The following PRORP variants were observed in gnomAD, a reference collection of about 807,000 sequenced individuals.
PRORP encodes mitochondrial ribonuclease P catalytic subunit.
A neutral mutation model predicts 59.4 loss-of-function variants in PRORP; 51 were observed. The observed-to-expected ratio is 0.86, with a 90% CI of 0.69 to 1.08. The LOEUF (loss-of-function observed/expected upper bound fraction) is 1.08. PRORP is among the 50% of genes least tolerant of loss of function. The pLI, the probability that PRORP is intolerant of heterozygous loss-of-function variation, is 0.00. For missense variants in PRORP, 646 were observed against 690.3 expected (o/e 0.94, Z 0.72); for synonymous variants, 231 against 245.6 (o/e 0.94, Z 0.55).
intron 6 of PRORP, among the ~76,000 whole-genome samples, chr14:35,267,343 G>A (rs865951309): frequency 1.3e-5 from 2 of 152,152 alleles, no homozygotes; most frequent in Non-Finnish European, 2.9e-5. Context: ...ATAAAGCAAG[G>A]TAGATAGAAT....
At chr14:35,261,975 A>G (rs992793776) in intron 5 of PRORP, among the ~76,000 whole-genome samples, 3 of 152,148 alleles carry the variant, frequency 2.0e-5, no homozygotes, top group Non-Finnish European at 4.4e-5. Context: ...GTGCCCCAGA[A>G]TAGTTCAAGA....
chr14:35,256,970 T>G (rs753722430), intron 5 of PRORP, among the ~76,000 whole-genome samples: 21 of 151,360 alleles, frequency 1.4e-4, no homozygotes, highest in Admixed American at 2.6e-4. Flanking sequence ...CCTCCTAGGT[T>G]CAAGCGATTC....
Position 35,272,091 on chromosome 14 carries a change from T to G in PRORP, c.1621-1344T>G, listed in dbSNP as rs183985346. On this transcript the variant is annotated intron_variant, in intron 7 of 7. Transcript: ENST00000534898. The stretch of plus-strand genomic sequence containing the variant: ...TTGGTCAAAGGAGAAAAAATTTCAG[T>G]TAGATAAGAGGAATACGTTCCATGA... Among the ~76,000 whole-genome samples, 827 of 151,778 alleles carry G rather than the reference T, an allele frequency of 5.4e-3. 5 individuals carry two copies. Among genetic ancestry groups the G allele is most frequent in the Admixed American group, 0.011 (165 of 15,214 alleles).
In PRORP at chr14:35,123,153, C is replaced by G. The variant is rs2046979179; in HGVS notation, c.-93C>G. The G allele has an allele frequency of 3.8e-6, 5 of 1,306,522 alleles. No homozygotes were observed. Among genetic ancestry groups the G allele is most frequent in the Admixed American group, 2.2e-5 (1 of 45,362 alleles). 80.9% of individuals were successfully genotyped at this position (1,306,522 alleles called of 1,614,324 possible). A position where few individuals can be genotyped will look rare whatever the true frequency, so the allele number is the denominator to read the frequency against. ...CCTTTTAAAAAGTTCCACTTCGACT[C>G]TGCACCGCCGACCCCCAATCTCTTT... On this transcript the variant is annotated 5_prime_UTR_variant, in exon 2 of 8. Transcript: ENST00000534898.
intron 4 of PRORP, among the ~76,000 whole-genome samples, chr14:35,145,312 T>C (rs769640549): frequency 5.5e-5 from 8 of 144,912 alleles, no homozygotes; most frequent in African/African-American, 1.5e-4. Flanking sequence ...TCATTTTCTT[T>C]TACTTTTCAA....
chr14:35,127,660 G>A (rs1208213635), intron 4 of PRORP, 49 bp downstream of exon 4: 1 of 1,601,718 alleles, frequency 6.2e-7, no homozygotes, highest in Non-Finnish European at 8.5e-7. Context: ...TCTAGAGCAG[G>A]GGTTAGCAAT....
chr14:35,214,074 CA>C (rs2049523105), intron 5 of PRORP, among the ~76,000 whole-genome samples: 1 of 152,132 alleles, frequency 6.6e-6, no homozygotes, highest in Non-Finnish European at 1.5e-5. Context: ...TGATAAAAGC[CA>C]CACATTCTTT....
intron 5 of PRORP, among the ~76,000 whole-genome samples, chr14:35,199,392 T>C (rs1470737064): frequency 1.3e-5 from 2 of 151,048 alleles, no homozygotes; most frequent in African/African-American, 4.9e-5. Context: ...ATGTGTCCAC[T>C]CCACATTCAT....
chr14:35,152,720 G>A (rs1191859549), intron 4 of PRORP, among the ~76,000 whole-genome samples: 6 of 150,936 alleles, frequency 4.0e-5, no homozygotes, highest in African/African-American at 9.8e-5. Context: ...CAGACGGGTC[G>A]GCCGGGCAGA....
chr14:35,272,770 T>C (rs1007812191), intron 7 of PRORP, among the ~76,000 whole-genome samples: 1 of 152,168 alleles, frequency 6.6e-6, no homozygotes, highest in African/African-American at 2.4e-5. Context: ...TTGTTTACAT[T>C]TGTCCCTTGG....
chr14:35,258,923 G>A (rs1229417238), intron 5 of PRORP, among the ~76,000 whole-genome samples: 1 of 152,138 alleles, frequency 6.6e-6, no homozygotes, highest in Non-Finnish European at 1.5e-5. Context: ...AATTGTTTTA[G>A]CTATTCTACT....
chr14:35,182,759 G>C (rs2048646810), intron 5 of PRORP, among the ~76,000 whole-genome samples: 1 of 152,150 alleles, frequency 6.6e-6, no homozygotes, highest in Admixed American at 6.6e-5. Flanking sequence ...TTAAAAGTTG[G>C]TAATATTCAG....
Position 35,274,616 on chromosome 14 carries a change from C to G in PRORP, c.*1050C>G, listed in dbSNP as rs563480721. 2.0e-5 allele frequency: 3 copies of G among 152,364 alleles called. No individual in the cohort carries two copies. The highest frequency in any genetic ancestry group is 2.9e-5 in the Non-Finnish European group (2 of 68,078). 9.4% of individuals were successfully genotyped at this position (152,364 alleles called of 1,614,324 possible). A position where few individuals can be genotyped will look rare whatever the true frequency, so the allele number is the denominator to read the frequency against. On this transcript the variant is annotated 3_prime_UTR_variant, in exon 8 of 8. Transcript: ENST00000534898. ...TGAGCCAACGTTGCACCACTGCACT[C>G]TAGCCTGGGTGACAGAGCGAGACCT...
intron 4 of PRORP, 144 bp from the exon 5 acceptor site, chr14:35,180,526 C>CTGTGTGTGTGTGTGTGTGTGTGTG (rs3058430): frequency 0.026 from 13,984 of 536,294 alleles, 191 homozygotes; most frequent in South Asian, 0.041. Context: ...TGTAGAGTAT[C>CTGTGTGTGTGTGTGTGTGTGTGTG]TGTGTGTGTG....
At chr14:35,188,528 T>C (rs1003210730) in intron 5 of PRORP, among the ~76,000 whole-genome samples, 8 of 152,206 alleles carry the variant, frequency 5.3e-5, no homozygotes, top group South Asian at 4.2e-4. Context: ...ACTAGATCTT[T>C]ATCAGATATA....
chr14:35,250,011 T>C (rs2050575597), intron 5 of PRORP, among the ~76,000 whole-genome samples: 1 of 151,486 alleles, frequency 6.6e-6, no homozygotes, highest in Non-Finnish European at 1.5e-5. Context: ...ACTTTGAGAG[T>C]CCCAGGTGGG....
intron 5 of PRORP, chr14:35,222,492 C>T (rs534102208): frequency 3.9e-5 from 6 of 152,182 alleles, no homozygotes; most frequent in South Asian, 2.1e-4. Flanking sequence ...GATCCACTAC[C>T]GGTGCCAGCC....
chr14:35,270,337 GA>G, intron 6 of PRORP, 63 bp from the exon 7 acceptor site: 7 of 1,502,364 alleles, frequency 4.7e-6, no homozygotes, highest in Non-Finnish European at 6.4e-6. Context: ...AAAGTACGGT[GA>G]AAAACACTGT....
intron 5 of PRORP, among the ~76,000 whole-genome samples, chr14:35,259,074 G>T (rs1397860195): frequency 6.6e-6 from 1 of 152,202 alleles, no homozygotes; most frequent in Non-Finnish European, 1.5e-5. Flanking sequence ...TGTAGTTGTA[G>T]ATTTGGCTAT....
Sources: gnomAD v4.1 joint callset for allele counts (sites outside exome capture counted in the v4.1 genomes callset) on GRCh38, gnomAD v4.1.1 for gene constraint, MANE v1.5 for transcripts, NCBI Gene and HGNC (gene_info 2026-07-23, HGNC 2026-07-21) for gene names.